The following GALNT17 variants were observed in gnomAD, a reference collection of about 807,000 sequenced individuals.
GALNT17 encodes the protein polypeptide N-acetylgalactosaminyltransferase 17, also known as UDP-GalNAc:polypeptide N-acetylgalactosaminyltransferase-like 3.
In GALNT17, 29 loss-of-function variants were observed where a neutral mutation model predicts 63.7. The ratio of observed to expected loss-of-function variants is 0.46; its 90% CI spans 0.34 to 0.62. The LOEUF (loss-of-function observed/expected upper bound fraction) is 0.62, where lower values mean the gene tolerates loss of function less well. Among genes scored for constraint, GALNT17 ranks in the 20% least tolerant of loss-of-function variants. The probability of loss-of-function intolerance (pLI) is 0.01; values close to 1 mark genes in which losing one functional copy is unlikely to be tolerated. For missense variants in GALNT17, 603 were observed against 799.6 expected (o/e 0.75, Z 2.97); for synonymous variants, 305 against 318.3 (o/e 0.96, Z 0.45).
intron 2 of GALNT17, among the ~76,000 whole-genome samples, chr7:71,365,738 A>C (rs1040935179): frequency 6.6e-6 from 1 of 152,048 alleles, no homozygotes; most frequent in Non-Finnish European, 1.5e-5. Flanking sequence ...AATTGTCTAG[A>C]TCAGCAGTTC....
intron 5 of GALNT17, among the ~76,000 whole-genome samples, chr7:71,521,091 G>A (rs1788522617): frequency 6.6e-6 from 1 of 152,218 alleles, no homozygotes; most frequent in African/African-American, 2.4e-5. Context: ...TTCTGGATGT[G>A]TGTGCCATGT....
chr7:71,674,230 C>G (rs1235529957), intron 8 of GALNT17, among the ~76,000 whole-genome samples: 1 of 152,100 alleles, frequency 6.6e-6, no homozygotes, highest in Non-Finnish European at 1.5e-5. Flanking sequence ...GGTTCTATTA[C>G]TCCTTTTCTA....
rs377568782 is a variant in GALNT17 at position 71,578,098 on chromosome 7, G to T, written c.1080+6696G>T. Among the ~76,000 whole-genome samples the T allele has an allele frequency of 9.7e-4, 146 of 150,984 alleles. 1 individual carries two copies. The South Asian group carries it at 0.019, about 19-fold the overall frequency. On this transcript the variant is annotated intron_variant, in intron 6 of 10. Coordinates refer to ENST00000333538, the MANE Select transcript of GALNT17 (RefSeq NM_022479.3). Reference sequence around the variant, plus strand: ...GTTGCCCAGGCTGGAGTGCAGTGGCGCAGTCTCGGCTCACTGCAACCTCTG... The same window carrying T: ...GTTGCCCAGGCTGGAGTGCAGTGGCTCAGTCTCGGCTCACTGCAACCTCTG...
At chr7:71,682,228 CAG>C (rs199668492) in intron 9 of GALNT17, among the ~76,000 whole-genome samples, 2,323 of 152,136 alleles carry the variant, frequency 0.015, 67 homozygotes, top group African/African-American at 0.053. Context: ...CGCCCGGCCT[CAG>C]GGGAAGGTTT....
chr7:71,640,393 C>G (rs927055999), intron 6 of GALNT17, among the ~76,000 whole-genome samples: 1 of 152,068 alleles, frequency 6.6e-6, no homozygotes, highest in Non-Finnish European at 1.5e-5. Context: ...CCACTCATCT[C>G]CAAGGAGTCT....
intron 5 of GALNT17, among the ~76,000 whole-genome samples, chr7:71,440,343 T>TA (rs1186774535): frequency 1.1e-4 from 16 of 151,728 alleles, no homozygotes; most frequent in African/African-American, 3.9e-4. Context: ...GGTTTTTTTC[T>TA]ACAGCACAGT....
chr7:71,236,776 G>C (rs1789899927), intron 1 of GALNT17, among the ~76,000 whole-genome samples: 1 of 152,178 alleles, frequency 6.6e-6, no homozygotes, highest in Non-Finnish European at 1.5e-5. Context: ...CTTCTGCGGG[G>C]TGTTTACAAA....
intron 1 of GALNT17, among the ~76,000 whole-genome samples, chr7:71,146,201 GAC>G (rs1178114822): frequency 1.1e-4 from 17 of 152,068 alleles, no homozygotes; most frequent in African/African-American, 3.6e-4. Flanking sequence ...GATCTCAAAT[GAC>G]ACAGAGATTT....
chr7:71,144,988 A>G (rs1329885169), intron 1 of GALNT17, among the ~76,000 whole-genome samples: 1 of 152,090 alleles, frequency 6.6e-6, no homozygotes, highest in Non-Finnish European at 1.5e-5. Context: ...TTGGCCTCCC[A>G]AAATGCTGGG....
At chr7:71,381,855 T>A (rs757181845) in intron 2 of GALNT17, among the ~76,000 whole-genome samples, 3 of 152,156 alleles carry the variant, frequency 2.0e-5, no homozygotes, top group Non-Finnish European at 1.5e-5. Context: ...GCTGCATGAA[T>A]GTGAGACTTG....
At position 71,377,099 on chromosome 7, in the gene GALNT17, AAT is replaced by A. The variant is rs1197282561; in HGVS notation, c.423-11134_423-11133del. Among the ~76,000 whole-genome samples the A allele has an allele frequency of 5.0e-4, 28 of 56,514 alleles. 3 individuals carry two copies. Among genetic ancestry groups the A allele is most frequent in the African/African-American group, 1.7e-3 (15 of 8,604 alleles). 37.1% of individuals were successfully genotyped at this position (56,514 alleles called of 152,430 possible). On this transcript the variant is annotated intron_variant, in intron 2 of 10. Transcript: ENST00000333538. ...ATATTCCATCTCAAAAAAAAAAAAA[AAT>A]AAAAATAAAAAAAATATATATATAT...
chr7:71,162,057 T>TTTCC (rs145567277), intron 1 of GALNT17, among the ~76,000 whole-genome samples: 154 of 86,040 alleles, frequency 1.8e-3, no homozygotes, highest in African/African-American at 7.3e-3. Flanking sequence ...CCTTCCTCCC[T>TTTCC]TTCCTTCCTT....
chr7:71,593,985 G>T (rs1374240581), intron 6 of GALNT17, among the ~76,000 whole-genome samples: 1 of 151,444 alleles, frequency 6.6e-6, no homozygotes, highest in African/African-American at 2.4e-5. Context: ...AGATGTAAGA[G>T]GCCAAAGGAA....
chr7:71,277,305 C>T (rs1334894814), intron 1 of GALNT17, among the ~76,000 whole-genome samples: 1 of 151,946 alleles, frequency 6.6e-6, no homozygotes. Flanking sequence ...CTCGCATAGA[C>T]ATAAAGATGG....
intron 5 of GALNT17, among the ~76,000 whole-genome samples, chr7:71,496,808 T>G (rs1052949949): frequency 6.6e-6 from 1 of 152,020 alleles, no homozygotes; most frequent in African/African-American, 2.4e-5. Context: ...GGCGGAGCAC[T>G]TACACCTGTA....
chr7:71,335,517 T>C (rs1392888555), intron 1 of GALNT17, 33 bp from the exon 2 acceptor site: 1 of 1,514,786 alleles, frequency 6.6e-7, no homozygotes. Flanking sequence ...ATGGTGGTTT[T>C]CTAATAATTC....
rs186119984 is a variant in GALNT17, at chr7:71,687,483, G to A, written c.1500+10177G>A. On this transcript the variant is annotated intron_variant, in intron 9 of 10. Coordinates refer to ENST00000333538, the MANE Select transcript of GALNT17 (RefSeq NM_022479.3). ...TTCCAGATGCTATCATGTAAGTGTC[G>A]GAGCTCAGGCAACGCAGCCTTTGAG... Among the ~76,000 whole-genome samples the A allele has an allele frequency of 3.1e-4, 47 of 152,246 alleles. 1 individual carries two copies. The East Asian group carries it at 8.1e-3, about 26-fold the overall frequency.
chr7:71,711,929 C>T, intron 10 of GALNT17, 89 bp from the exon 11 acceptor site: 1 of 1,410,672 alleles, frequency 7.1e-7, no homozygotes, highest in Admixed American at 1.9e-5. Context: ...TTTTCTCTCT[C>T]CTGTCTCTCT....
chr7:71,292,666 AGAGTGTGTGTGTGTGTGTGT>A (rs1454150166), intron 1 of GALNT17, among the ~76,000 whole-genome samples: 5 of 117,084 alleles, frequency 4.3e-5, no homozygotes, highest in Middle Eastern at 4.5e-3. Flanking sequence ...AGAGAGAGAG[AGAGTGTGTGTGTGTGTGTGT>A]GTGTGTGTGT....
Sources: allele counts gnomAD v4.1 joint callset (sites outside exome capture counted in the v4.1 genomes callset), GRCh38; gene constraint gnomAD v4.1.1; transcripts MANE v1.5; gene names NCBI Gene and HGNC (gene_info 2026-07-23, HGNC 2026-07-21).